Variants in NUGGC observed in about 807,000 individuals in gnomAD.
NUGGC encodes nuclear GTPase SLIP-GC.
NUGGC carries 58 observed loss-of-function variants against 92.6 expected under a neutral mutation model. The ratio of observed to expected loss-of-function variants is 0.63; its 90% confidence interval spans 0.51 to 0.78. The LOEUF (loss-of-function observed/expected upper bound fraction) is 0.78, where lower values mean the gene tolerates loss of function less well. Ranked by LOEUF, NUGGC falls within the 30% of genes least tolerant of loss-of-function variation. The probability of loss-of-function intolerance (pLI) is 0.00; values close to 1 mark genes in which losing one functional copy is unlikely to be tolerated. For missense variants in NUGGC, 925 were observed against 964.6 expected (o/e 0.96, Z 0.54); for synonymous variants, 376 against 366.4 (o/e 1.03, Z -0.30).
rs181756898 is a variant in NUGGC at position 28,062,357 on chromosome 8, G to A, written c.922-1756C>T. On this transcript the variant is annotated intron_variant, in intron 7 of 18. Coordinates refer to ENST00000413272, the MANE Select transcript of NUGGC (RefSeq NM_001010906.2). ...CTCTGGGCCAGATGTGGTGGCTCAC[G>A]CCTGTAATCCCAACATTTTGGGAGG... Among the ~76,000 whole-genome samples, 315 of 152,032 alleles carry A rather than the reference G, an allele frequency of 2.1e-3. 1 individual carries two copies. Among genetic ancestry groups the A allele is most frequent in the Middle Eastern group, 6.8e-3 (2 of 294 alleles).
chr8:28,053,354 G>T (rs939316311), intron 10 of NUGGC, among the ~76,000 whole-genome samples: 1 of 152,076 alleles, frequency 6.6e-6, no homozygotes, highest in Non-Finnish European at 1.5e-5. Flanking sequence ...CTAGCTCCTT[G>T]GGAGGCTGGT....
At chr8:28,037,998 T>G (rs992322433) in intron 13 of NUGGC, among the ~76,000 whole-genome samples, 3 of 152,134 alleles carry the variant, frequency 2.0e-5, no homozygotes. Context: ...CAGATGTGAG[T>G]GCAAGAACAG....
At chr8:28,062,540 C>T (rs1042246682) in intron 7 of NUGGC, among the ~76,000 whole-genome samples, 2 of 152,154 alleles carry the variant, frequency 1.3e-5, no homozygotes, top group African/African-American at 4.8e-5. Context: ...TTGCTCAAGC[C>T]CAGGAGGTCG....
intron 10 of NUGGC, among the ~76,000 whole-genome samples, chr8:28,050,550 C>G (rs1163972798): frequency 1.3e-5 from 2 of 152,148 alleles, no homozygotes; most frequent in African/African-American, 4.8e-5. Flanking sequence ...GTGGCTCATG[C>G]CTGTAATCCT....
chr8:28,075,978 G>A (rs956616073), intron 1 of NUGGC, among the ~76,000 whole-genome samples: 1 of 152,158 alleles, frequency 6.6e-6, no homozygotes, highest in African/African-American at 2.4e-5. Flanking sequence ...CTTCTCGCAG[G>A]TGAATTCCTG....
At chr8:28,069,869 T>C in intron 3 of NUGGC, 1 of 576,574 alleles carries the variant, frequency 1.7e-6, no homozygotes, top group Non-Finnish European at 3.0e-6. Context: ...CAGGCTGCTC[T>C]GAAACTCTGG....
intron 13 of NUGGC, 55 bp from the exon 14 acceptor site, chr8:28,033,752 A>C: frequency 6.7e-7 from 1 of 1,498,086 alleles, no homozygotes; most frequent in Non-Finnish European, 9.3e-7. Context: ...AGGTCACTGG[A>C]TTAGAATTGC....
chr8:28,071,990 A>G (rs1810601967), intron 2 of NUGGC, among the ~76,000 whole-genome samples: 1 of 152,166 alleles, frequency 6.6e-6, no homozygotes, highest in East Asian at 1.9e-4. Flanking sequence ...TCTCTGCCTG[A>G]GGGCTCCAGA....
intron 6 of NUGGC, among the ~76,000 whole-genome samples, chr8:28,065,569 T>C (rs544777373): frequency 2.6e-4 from 40 of 152,284 alleles, no homozygotes; most frequent in African/African-American, 9.1e-4. Flanking sequence ...AGAGAGGGAA[T>C]AGTTCTTAGA....
At chr8:28,068,160 A>G in intron 5 of NUGGC, 56 bp downstream of exon 5, 1 of 1,081,306 alleles carries the variant, frequency 9.2e-7, no homozygotes, top group Non-Finnish European at 1.4e-6. Flanking sequence ...CGAAAAAGGA[A>G]GAAAGGAAGG....
Position 28,038,324 on chromosome 8 carries a change from G to C in NUGGC, c.1611+2727C>G, listed in dbSNP as rs74758402. ...TGCTCTCTTAACTCTTCTGAGCAGGGATGTATCTTTCTATCCCTGAAAACT... is the reference window on the plus strand; with the variant it reads ...TGCTCTCTTAACTCTTCTGAGCAGGCATGTATCTTTCTATCCCTGAAAACT... On this transcript the variant is annotated intron_variant, in intron 13 of 18. Coordinates refer to ENST00000413272, the MANE Select transcript of NUGGC (RefSeq NM_001010906.2). Among the ~76,000 whole-genome samples the C allele has an allele frequency of 5.1e-3, 771 of 152,286 alleles. 7 individuals are homozygous for C. Among genetic ancestry groups the C allele is most frequent in the African/African-American group, 0.017 (711 of 41,556 alleles).
intron 6 of NUGGC, 72 bp from the exon 7 acceptor site, chr8:28,064,803 C>T: frequency 1.5e-6 from 2 of 1,312,920 alleles, no homozygotes; most frequent in South Asian, 2.5e-5. Context: ...GGCTGTGATG[C>T]AGGTTCATGG....
chr8:28,027,376 G>A (rs930683943), intron 17 of NUGGC, among the ~76,000 whole-genome samples: 3 of 152,126 alleles, frequency 2.0e-5, no homozygotes, highest in African/African-American at 4.8e-5. Flanking sequence ...CGGAGAGAAT[G>A]GCAATCACAG....
intron 7 of NUGGC, among the ~76,000 whole-genome samples, chr8:28,063,166 A>AG (rs35423642): frequency 1.3e-5 from 2 of 152,140 alleles, no homozygotes; most frequent in African/African-American, 4.8e-5. Flanking sequence ...CTCCCTGCAG[A>AG]GGGGGGTCTT....
rs1165670390 is a variant in NUGGC, at chr8:28,068,390, G to A, written c.306C>T (p.Tyr102=). 6 of 1,583,068 alleles carry A rather than the reference G, an allele frequency of 3.8e-6. No individual in the cohort carries two copies. The highest frequency in any genetic ancestry group is 5.2e-6 in the Non-Finnish European group (6 of 1,163,806). ...LIEKPTVDPI[Y]IALFGSTGAG... The stretch of plus-strand genomic sequence containing the variant: ...CCCCAGTGCTTCCAAATAATGCAAT[G>A]TAGATTGGGTCCACTGTCGGCTTTT... The change falls in exon 5 of 19, where the codon TAC becomes TAT. Residue 102 remains tyrosine (Y), a synonymous_variant. Transcript: ENST00000413272.
At position 28,064,624 on chromosome 8, in the gene NUGGC, T is replaced by C; in HGVS notation, c.819A>G (p.Glu273=). 6.2e-7 allele frequency: 1 copy of C among 1,614,052 alleles called. No homozygotes were observed. The highest frequency in any genetic ancestry group is 8.5e-7 in the Non-Finnish European group (1 of 1,179,886). Reference sequence around the variant, plus strand: ...TCAGGTCGGATTTGGGAAGTGTCACTTCCACATGTTTGATCAAGGGCCAGA... The same window carrying C: ...TCAGGTCGGATTTGGGAAGTGTCACCTCCACATGTTTGATCAAGGGCCAGA... ...MRIWPLIKHV[E]VTLPKSDLIP... The change falls in exon 7 of 19, where the codon GAA becomes GAG. Residue 273 remains glutamate, a synonymous_variant. Coordinates refer to ENST00000413272, the MANE Select transcript of NUGGC (RefSeq NM_001010906.2).
In NUGGC at chr8:28,060,413, C is replaced by G. The variant is rs758576989; in HGVS notation, c.1097+13G>C. 3 of 1,612,844 alleles carry G rather than the reference C, an allele frequency of 1.9e-6. No homozygotes were observed. The African/African-American group carries it at 4.0e-5, about 22-fold the overall frequency. Reference sequence around the variant, plus strand: ...TGACTGGAGCCCACATCCTTGCAAGCCCAGCACAATACCTTAGGTATTCTG... The same window carrying G: ...TGACTGGAGCCCACATCCTTGCAAGGCCAGCACAATACCTTAGGTATTCTG... On this transcript the variant is annotated intron_variant, in intron 8 of 18. Coordinates refer to ENST00000413272, the MANE Select transcript of NUGGC (RefSeq NM_001010906.2).
chr8:28,034,325 G>A (rs545639291), intron 13 of NUGGC, among the ~76,000 whole-genome samples: 10 of 152,210 alleles, frequency 6.6e-5, no homozygotes, highest in African/African-American at 1.4e-4. Context: ...AATCAATTTC[G>A]GCCAGATGGT....
intron 4 of NUGGC, 38 bp from the exon 5 acceptor site, chr8:28,068,476 A>C: frequency 7.1e-7 from 1 of 1,399,548 alleles, no homozygotes. Flanking sequence ...CATGATCATC[A>C]AAGTTTAGAG....
Sources: gnomAD v4.1 joint callset for allele counts (sites outside exome capture counted in the v4.1 genomes callset) on GRCh38, gnomAD v4.1.1 for gene constraint, MANE v1.5 for transcripts, NCBI Gene and HGNC (gene_info 2026-07-23, HGNC 2026-07-21) for gene names.